Variants in RAD51B observed in about 807,000 individuals in gnomAD.
The protein encoded by RAD51B is DNA repair protein RAD51 homolog 2.
In RAD51B, 38 loss-of-function variants were observed where a neutral mutation model predicts 42.2. The ratio of observed to expected loss-of-function variants is 0.90; its 90% confidence interval spans 0.70 to 1.18. The LOEUF (loss-of-function observed/expected upper bound fraction) is 1.18, where lower values mean the gene tolerates loss of function less well. Among genes scored for constraint, RAD51B ranks in the 50% most tolerant of loss-of-function variants. The pLI is 0.00. For synonymous variants in RAD51B, 154 were observed against 145.2 expected, an observed-to-expected ratio of 1.06 and a Z score of -0.43; for missense variants, 373 against 400.7, an observed-to-expected ratio of 0.93 and a Z score of 0.59.
chr14:67,922,648 C>T, intron 7 of RAD51B, among the ~76,000 whole-genome samples: 1 of 149,316 alleles, frequency 6.7e-6, no homozygotes, highest in African/African-American at 2.5e-5. Context: ...TTTGGTGCAC[C>T]CATCACCCAA....
chr14:67,941,063 C>T (rs1226286149), intron 7 of RAD51B, among the ~76,000 whole-genome samples: 1 of 152,176 alleles, frequency 6.6e-6, no homozygotes, highest in Non-Finnish European at 1.5e-5. Context: ...AGTTTAGTCA[C>T]ATGTGCTTCT....
chr14:67,974,991 C>G (rs1207050863), intron 7 of RAD51B, among the ~76,000 whole-genome samples: 1 of 152,060 alleles, frequency 6.6e-6, no homozygotes, highest in African/African-American at 2.4e-5. Context: ...TGGTTTCTCT[C>G]CCACTTTTGG....
At chr14:68,550,522 T>G (rs1386458149) in intron 10 of RAD51B, among the ~76,000 whole-genome samples, 2 of 152,248 alleles carry the variant, frequency 1.3e-5, no homozygotes, top group Non-Finnish European at 2.9e-5. Flanking sequence ...GTGCCTGGTG[T>G]ACTTTTAAAA....
intron 7 of RAD51B, among the ~76,000 whole-genome samples, chr14:68,021,839 T>A (rs2075872258): frequency 6.6e-6 from 1 of 152,238 alleles, no homozygotes; most frequent in African/African-American, 2.4e-5. Context: ...AAAAATATGG[T>A]TAAAAAATGT....
At chr14:67,947,343 C>A (rs2045430796) in intron 7 of RAD51B, among the ~76,000 whole-genome samples, 2 of 152,190 alleles carry the variant, frequency 1.3e-5, no homozygotes, top group South Asian at 4.1e-4. Context: ...AGCTTTCATT[C>A]ATGGATTGAT....
At chr14:68,102,819 T>C (rs1230644330) in intron 7 of RAD51B, among the ~76,000 whole-genome samples, 1 of 152,190 alleles carries the variant, frequency 6.6e-6, no homozygotes, top group East Asian at 1.9e-4. Context: ...TATTAGTCTG[T>C]TCTTATGCTG....
chr14:68,594,468 T>C (rs1244879934), intron 10 of RAD51B: 1 of 1,364,036 alleles, frequency 7.3e-7, no homozygotes, highest in East Asian at 4.0e-5. Context: ...ACTTCCTTTT[T>C]TTTCTCTCTC....
At chr14:67,889,526 TA>T (rs1156282222) in intron 7 of RAD51B, among the ~76,000 whole-genome samples, 3 of 148,066 alleles carry the variant, frequency 2.0e-5, no homozygotes, top group African/African-American at 2.4e-5. Flanking sequence ...TATATAAAAA[TA>T]AAAAATATAT....
intron 7 of RAD51B, among the ~76,000 whole-genome samples, chr14:68,095,886 G>T (rs2077184593): frequency 6.9e-6 from 1 of 145,866 alleles, no homozygotes; most frequent in South Asian, 2.2e-4. Flanking sequence ...TGAGGCAGGA[G>T]AATGGCGTGA....
At chr14:68,269,688 G>A (rs2081067350) in intron 7 of RAD51B, among the ~76,000 whole-genome samples, 1 of 152,222 alleles carries the variant, frequency 6.6e-6, no homozygotes, top group African/African-American at 2.4e-5. Flanking sequence ...TACAAGGGCA[G>A]AAAGAGGTTG....
chr14:68,630,798 C>T (rs572631369), intron 10 of RAD51B, among the ~76,000 whole-genome samples: 1 of 152,318 alleles, frequency 6.6e-6, no homozygotes, highest in South Asian at 2.1e-4. Context: ...GTTTCAAGCT[C>T]TCCCAGGCTG....
chr14:67,941,197 G>A (rs2045195361), intron 7 of RAD51B, among the ~76,000 whole-genome samples: 1 of 152,158 alleles, frequency 6.6e-6, no homozygotes, highest in African/African-American at 2.4e-5. Context: ...CAAAAAAACA[G>A]CATTAAAAAT....
intron 10 of RAD51B, among the ~76,000 whole-genome samples, chr14:68,594,044 G>C (rs960418702): frequency 6.6e-6 from 1 of 152,184 alleles, no homozygotes; most frequent in Non-Finnish European, 1.5e-5. Flanking sequence ...AGGGGTGTCT[G>C]ATGACACATT....
At chr14:68,305,233 C>T (rs1214904851) in intron 8 of RAD51B, among the ~76,000 whole-genome samples, 1 of 152,176 alleles carries the variant, frequency 6.6e-6, no homozygotes, top group African/African-American at 2.4e-5. Flanking sequence ...AAAATTTGAG[C>T]ACTGGGTCCA....
At chr14:68,133,346 G>A (rs2077938361) in intron 7 of RAD51B, among the ~76,000 whole-genome samples, 1 of 152,226 alleles carries the variant, frequency 6.6e-6, no homozygotes, top group African/African-American at 2.4e-5. Context: ...TTTGAGGATA[G>A]AGGAAAATGT....
At chr14:67,862,940 A>G (rs940645723) in intron 4 of RAD51B, among the ~76,000 whole-genome samples, 2 of 152,076 alleles carry the variant, frequency 1.3e-5, no homozygotes, top group African/African-American at 4.8e-5. Flanking sequence ...CATAATAAAT[A>G]TGCATATATT....
At chr14:68,500,747 G>A (rs909335898) in intron 10 of RAD51B, among the ~76,000 whole-genome samples, 2 of 152,184 alleles carry the variant, frequency 1.3e-5, no homozygotes, top group African/African-American at 4.8e-5. Flanking sequence ...CAGCCTTGTT[G>A]GGAAAAGAGA....
downstream of RAD51B, among the ~76,000 whole-genome samples, chr14:68,481,990 G>C (rs74459008): frequency 6.0e-3 from 910 of 152,298 alleles, 27 homozygotes; most frequent in Admixed American, 0.046. Context: ...GCACAGGAAA[G>C]TTGCCCCAGG....
chr14:67,953,227 G>A (rs2074486879), intron 7 of RAD51B, among the ~76,000 whole-genome samples: 1 of 152,138 alleles, frequency 6.6e-6, no homozygotes, highest in Non-Finnish European at 1.5e-5. Context: ...TGGACATTAT[G>A]GTGTGTGTTG....
Sources: allele counts gnomAD v4.1 joint callset (sites outside exome capture counted in the v4.1 genomes callset), GRCh38; gene constraint gnomAD v4.1.1; transcripts MANE v1.5; gene names NCBI Gene and HGNC (gene_info 2026-07-23, HGNC 2026-07-21).